Variants in WDR45B observed in about 807,000 individuals in gnomAD.
The protein encoded by WDR45B is WD repeat domain 45B, also known as WD repeat domain phosphoinositide-interacting protein 3.
WDR45B carries 20 observed loss-of-function variants against 44.6 expected under a neutral mutation model. The observed-to-expected ratio is 0.45, with a 90% CI of 0.32 to 0.65. The LOEUF is 0.65. Among genes scored for constraint, WDR45B ranks in the 30% least tolerant of loss-of-function variants. The pLI, the probability that WDR45B is intolerant of heterozygous loss-of-function variation, is 0.05. For missense variants in WDR45B, 323 were observed against 430.2 expected, an observed-to-expected ratio of 0.75 and a Z score of 2.20; for synonymous variants, 169 against 164.9, an observed-to-expected ratio of 1.02 and a Z score of -0.19.
At chr17:82,635,447 T>TG (rs2045820788) in intron 2 of WDR45B, among the ~76,000 whole-genome samples, 1 of 142,458 alleles carries the variant, frequency 7.0e-6, no homozygotes, top group Non-Finnish European at 1.5e-5. Flanking sequence ...TTTTTTGAGA[T>TG]GGAGTTTTGC....
intron 2 of WDR45B, among the ~76,000 whole-genome samples, chr17:82,634,150 C>CAAAAAAAAAAAAAAAA (rs36183298): frequency 2.5e-4 from 8 of 31,908 alleles, no homozygotes; most frequent in Non-Finnish European, 3.2e-4. Flanking sequence ...GACTCCATCT[C>CAAAAAAAAAAAAAAAA]AAAAAAAAAA....
chr17:82,617,231 A>C, intron 8 of WDR45B, 65 bp downstream of exon 8: 1 of 1,486,806 alleles, frequency 6.7e-7, no homozygotes, highest in Non-Finnish European at 9.3e-7. Flanking sequence ...TGTCCCGTCC[A>C]CACTGAAACA....
intron 1 of WDR45B, 36 bp from the exon 2 acceptor site, chr17:82,644,059 G>A (rs755746548): frequency 3.1e-6 from 5 of 1,605,190 alleles, no homozygotes; most frequent in East Asian, 2.2e-5. Flanking sequence ...TTAATCCCCA[G>A]GCCTGGAGTG....
At chr17:82,628,453 G>C (rs1172095548) in intron 3 of WDR45B, among the ~76,000 whole-genome samples, 2 of 152,180 alleles carry the variant, frequency 1.3e-5, no homozygotes, top group African/African-American at 2.4e-5. Flanking sequence ...AAGAACCACA[G>C]GAGGGATGGG....
rs2045524588 is a variant in WDR45B at position 82,615,797 on chromosome 17, C to T, written c.*122G>A. The T allele has an allele frequency of 2.6e-5, 22 of 859,602 alleles. No homozygotes were observed. Among genetic ancestry groups the T allele is most frequent in the South Asian group, 1.6e-4 (12 of 74,142 alleles). The allele number at this position is 859,602 out of a possible 1,614,324, so 53.2% of individuals were successfully genotyped here. A position where few individuals can be genotyped will look rare whatever the true frequency, so the allele number is the denominator to read the frequency against. On this transcript the variant is annotated 3_prime_UTR_variant, in exon 10 of 10. Coordinates refer to ENST00000392325, the MANE Select transcript of WDR45B (RefSeq NM_019613.4). Reference sequence around the variant, plus strand: ...GAAAGCAGACAACCACGTATGGCTTCGAGACCAAGGTCCCTGGGCAGCCCC... The same window carrying T: ...GAAAGCAGACAACCACGTATGGCTTTGAGACCAAGGTCCCTGGGCAGCCCC...
intron 2 of WDR45B, among the ~76,000 whole-genome samples, chr17:82,637,079 T>C (rs1482158251): frequency 1.3e-5 from 2 of 151,996 alleles, no homozygotes; most frequent in East Asian, 1.9e-4. Flanking sequence ...CAGAAGTAAA[T>C]TGCCTTACTG....
intron 5 of WDR45B, among the ~76,000 whole-genome samples, chr17:82,623,639 A>G (rs2045650627): frequency 6.6e-6 from 1 of 151,508 alleles, no homozygotes; most frequent in Admixed American, 6.6e-5. Context: ...CAGAGGCTGC[A>G]GTGAGCCGAG....
intron 3 of WDR45B, chr17:82,629,570 A>G: frequency 1.0e-6 from 1 of 985,486 alleles, no homozygotes; most frequent in Non-Finnish European, 1.2e-6. Context: ...CAAGATCTCA[A>G]GCCCTGTCTT....
At chr17:82,620,738 T>C (rs1023405888) in intron 6 of WDR45B, among the ~76,000 whole-genome samples, 4 of 152,214 alleles carry the variant, frequency 2.6e-5, no homozygotes, top group African/African-American at 4.8e-5. Flanking sequence ...CAATTTTCTT[T>C]GTAAAAATCT....
rs1439027080 is a variant in WDR45B at position 82,648,392 on chromosome 17, G to A, written c.-52C>T. On this transcript the variant is annotated 5_prime_UTR_variant, in exon 1 of 10. Coordinates refer to ENST00000392325, the MANE Select transcript of WDR45B (RefSeq NM_019613.4). ...CTCAGCGCTGCATGCCTCTCGCTGGGGACGGCGGCCTGGTCCCTTCGGGCC... is the reference window on the plus strand; with the variant it reads ...CTCAGCGCTGCATGCCTCTCGCTGGAGACGGCGGCCTGGTCCCTTCGGGCC... 12 of 1,586,922 alleles carry A rather than the reference G, an allele frequency of 7.6e-6. No individual in the cohort carries two copies. The highest frequency in any genetic ancestry group is 9.4e-6 in the Non-Finnish European group (11 of 1,168,668).
rs2045516948 is a variant in WDR45B, at chr17:82,615,329, G to C, written c.*590C>G. 1 of 162,724 alleles carries C rather than the reference G, an allele frequency of 6.1e-6. No individual in the cohort carries two copies. The highest frequency in any genetic ancestry group is 2.4e-5 in the African/African-American group (1 of 41,516). 10.1% of individuals were successfully genotyped at this position (162,724 alleles called of 1,614,324 possible). ...CAGATGACCACGTTGCGGGTACGGA[G>C]AAGACCACAGGCTGGGCTCACACGA... On this transcript the variant is annotated 3_prime_UTR_variant, in exon 10 of 10. Coordinates refer to ENST00000392325, the MANE Select transcript of WDR45B (RefSeq NM_019613.4).
chr17:82,622,871 A>C (rs532013587), intron 5 of WDR45B, among the ~76,000 whole-genome samples: 2 of 152,138 alleles, frequency 1.3e-5, no homozygotes, highest in Admixed American at 6.6e-5. Context: ...CAGAAAAAAA[A>C]CCTTGTATTT....
At chr17:82,638,150 C>T (rs2045860323) in intron 2 of WDR45B, among the ~76,000 whole-genome samples, 1 of 139,208 alleles carries the variant, frequency 7.2e-6, no homozygotes, top group Admixed American at 7.2e-5. Flanking sequence ...GGAGCCACTG[C>T]ACTCCAGCCT....
At chr17:82,635,089 ATG>A (rs2045816097) in intron 2 of WDR45B, among the ~76,000 whole-genome samples, 1 of 152,030 alleles carries the variant, frequency 6.6e-6, no homozygotes, top group Non-Finnish European at 1.5e-5. Context: ...TTTAACAACA[ATG>A]TGAATATATT....
At chr17:82,633,330 A>G (rs1208349750) in intron 2 of WDR45B, among the ~76,000 whole-genome samples, 1 of 152,114 alleles carries the variant, frequency 6.6e-6, no homozygotes, top group Admixed American at 6.5e-5. Context: ...TATATGAAGG[A>G]CTTTTACAAC....
At chr17:82,616,376 T>A in intron 9 of WDR45B, 148 bp downstream of exon 9, 1 of 1,299,556 alleles carries the variant, frequency 7.7e-7, no homozygotes, top group Admixed American at 1.7e-5. Context: ...CGGGACACAC[T>A]GAGCCCACAG....
Position 82,615,813 on chromosome 17 carries a change from G to C in WDR45B, c.*106C>G, listed in dbSNP as rs373175181. 1 of 1,008,210 alleles carries C rather than the reference G, an allele frequency of 9.9e-7. No homozygotes were observed. Among genetic ancestry groups the C allele is most frequent in the Non-Finnish European group, 1.6e-6 (1 of 636,956 alleles). The allele number at this position is 1,008,210 out of a possible 1,614,324, so 62.5% of individuals were successfully genotyped here. On this transcript the variant is annotated 3_prime_UTR_variant, in exon 10 of 10. Transcript: ENST00000392325. ...GTATGGCTTCGAGACCAAGGTCCCT[G>C]GGCAGCCCCTCCAGCCCGTGGCCCA... is the stretch of plus-strand genomic sequence containing the variant.
At chr17:82,635,779 TA>T (rs1416919460) in intron 2 of WDR45B, among the ~76,000 whole-genome samples, 3 of 151,932 alleles carry the variant, frequency 2.0e-5, no homozygotes, top group African/African-American at 7.3e-5. Flanking sequence ...TGATTCTAGC[TA>T]ATGGTTAAGT....
At chr17:82,646,179 A>G (rs2045972672) in intron 1 of WDR45B, among the ~76,000 whole-genome samples, 1 of 151,248 alleles carries the variant, frequency 6.6e-6, no homozygotes, top group Admixed American at 6.6e-5. Context: ...AAAAATCACA[A>G]ACATGATGTT....
Sources: gnomAD v4.1 joint callset for allele counts (sites outside exome capture counted in the v4.1 genomes callset) on GRCh38, gnomAD v4.1.1 for gene constraint, MANE v1.5 for transcripts, NCBI Gene and HGNC (gene_info 2026-07-23, HGNC 2026-07-21) for gene names.